The following PINK1 variants were observed in gnomAD, a reference collection of about 807,000 sequenced individuals.
PINK1 encodes serine/threonine-protein kinase PINK1, mitochondrial.
In PINK1, 58 loss-of-function variants were observed where a neutral mutation model predicts 56.0. That is an observed-to-expected ratio of 1.04 (90% CI 0.84 to 1.29). The LOEUF (loss-of-function observed/expected upper bound fraction) is 1.29, where lower values mean the gene tolerates loss of function less well. Ranked by LOEUF, PINK1 falls within the 50% of genes most tolerant of loss-of-function variation. The pLI, the probability that PINK1 is intolerant of heterozygous loss-of-function variation, is 0.00. For missense variants in PINK1, 745 were observed against 777.9 expected (o/e 0.96, Z 0.50); for synonymous variants, 354 against 339.3 (o/e 1.04, Z -0.48).
intron 4 of PINK1, 38 bp downstream of exon 4, chr1:20,644,710 C>A: frequency 6.2e-7 from 1 of 1,610,082 alleles, no homozygotes; most frequent in Non-Finnish European, 8.5e-7. Flanking sequence ...GGAGCTGATA[C>A]ATCTCCCAAG....
In PINK1 at chr1:20,638,053, C is replaced by T. The variant is rs149822257; in HGVS notation, c.599C>T (p.Ala200Val). ...CCAGGGAGAGGCCCAGGTACCAGTG[C>T]ACCAGGAGAAGGGCAGGAGCGAGCT... ...LLPGRGPGTS[A>V]PGEGQERAPG... The change falls in exon 2 of 8, where the codon GCA becomes GTA. Residue 200 changes from alanine to valine, a missense_variant. Coordinates refer to ENST00000321556, the MANE Select transcript of PINK1 (RefSeq NM_032409.3). 23 of 1,614,146 alleles carry T rather than the reference C, an allele frequency of 1.4e-5. No homozygotes were observed. The Admixed American group carries it at 2.8e-4, about 20-fold the overall frequency.
chr1:20,634,152 A>T (rs1489614493), intron 1 of PINK1, among the ~76,000 whole-genome samples: 1 of 152,202 alleles, frequency 6.6e-6, no homozygotes, highest in Non-Finnish European at 1.5e-5. Context: ...CCCTTCCTCA[A>T]ATGAAGACAT....
intron 1 of PINK1, among the ~76,000 whole-genome samples, chr1:20,634,650 G>A (rs2053037905): frequency 6.6e-6 from 1 of 152,242 alleles, no homozygotes; most frequent in African/African-American, 2.4e-5. Flanking sequence ...TATGGGGATT[G>A]GCAAAGTCTT....
Position 20,641,354 on chromosome 1 carries a change from C to T in PINK1, c.776+1362C>T, listed in dbSNP as rs1462686384. 2.0e-5 allele frequency among the ~76,000 whole-genome samples: 3 copies of T among 152,034 alleles called. No individual in the cohort carries two copies. The highest frequency in any genetic ancestry group is 4.4e-5 in the Non-Finnish European group (3 of 68,016). ...CTCCTTTTGTGGCATGAGTGGCAGC[C>T]GGCCGACGTGGTGCTGTCCTGCTGC... On this transcript the variant is annotated intron_variant, in intron 3 of 7. Coordinates refer to ENST00000321556, the MANE Select transcript of PINK1 (RefSeq NM_032409.3). This position sits in a 1 kb window ranked among gnomAD's most constrained non-coding sequence, Gnocchi z 4.0.
At chr1:20,646,364 G>A (rs564089724) in intron 5 of PINK1, among the ~76,000 whole-genome samples, 50 of 152,124 alleles carry the variant, frequency 3.3e-4, no homozygotes, top group Admixed American at 1.4e-3. Context: ...AATAACTTTC[G>A]GCCGGGGGTA....
chr1:20,639,767 T>C (rs2053096660), intron 2 of PINK1, 125 bp from the exon 3 acceptor site: 1 of 814,750 alleles, frequency 1.2e-6, no homozygotes, highest in South Asian at 1.5e-5. Context: ...CAGGTCATCT[T>C]ATCTCGAAGG....
chr1:20,633,917 G>T lies in PINK1; in HGVS notation c.369G>T (p.Ser123=). The T allele has an allele frequency of 6.3e-6, 10 of 1,584,512 alleles. No individual in the cohort carries two copies. The highest frequency in any genetic ancestry group is 8.6e-6 in the Non-Finnish European group (10 of 1,168,320). Residue 123 remains serine (S), a synonymous_variant, in exon 1 of 8, where the codon TCG becomes TCT. Transcript: ENST00000321556. ...EKQAESRRAV[S]ACQEIQAIFT... is the part of the protein sequence containing the mutation. ...AGGCGGAGAGCCGGCGGGCGGTCTCGGCCTGTCAGGAGATCCAGGTGAGCG... is the reference window on the plus strand; with the variant it reads ...AGGCGGAGAGCCGGCGGGCGGTCTCTGCCTGTCAGGAGATCCAGGTGAGCG...
rs925107789 is a variant in PINK1, at chr1:20,641,601, A to C, written c.776+1609A>C. ...ACCGGATAGATGTGGCAGCAGGTAC[A>C]TTACCTCAACTTCTGGTACACCTTG... On this transcript the variant is annotated intron_variant, in intron 3 of 7. Transcript: ENST00000321556. The surrounding 1 kb of genome is among the most constrained non-coding windows in gnomAD (Gnocchi z 4.0). Among the ~76,000 whole-genome samples the C allele has an allele frequency of 6.6e-6, 1 of 152,098 alleles. No homozygotes were observed. Among genetic ancestry groups the C allele is most frequent in the Non-Finnish European group, 1.5e-5 (1 of 68,024 alleles).
At chr1:20,634,533 A>G (rs1175683451) in intron 1 of PINK1, among the ~76,000 whole-genome samples, 1 of 152,112 alleles carries the variant, frequency 6.6e-6, no homozygotes, top group Non-Finnish European at 1.5e-5. Context: ...TTAAAATAGC[A>G]CAAGACTTCT....
Position 20,639,929 on chromosome 1 carries a change from G to T in PINK1, c.713G>T (p.Ser238Ile), listed in dbSNP as rs746882245. 2.5e-6 allele frequency: 4 copies of T among 1,613,206 alleles called. No individual in the cohort carries two copies. In the East Asian group the frequency reaches 8.9e-5, roughly 36 times the overall value. ...SSSEAILNTM[S>I]QELVPASRVA... Reference sequence around the variant, plus strand: ...AGCGAAGCCATCTTGAACACAATGAGCCAGGAGCTGGTCCCAGCGAGCCGA... The same window carrying T: ...AGCGAAGCCATCTTGAACACAATGATCCAGGAGCTGGTCCCAGCGAGCCGA... The change falls in exon 3 of 8, where the codon AGC (serine) becomes ATC (isoleucine). Residue 238 changes from serine to isoleucine, a missense_variant. Physicochemically the swap from Ser to Ile is moderately radical, Grantham distance 142. Coordinates refer to ENST00000321556, the MANE Select transcript of PINK1 (RefSeq NM_032409.3).
At chr1:20,640,726 A>C (rs71647163) in intron 3 of PINK1, among the ~76,000 whole-genome samples, 16,477 of 152,154 alleles carry the variant, frequency 0.11, 1,209 homozygotes, top group Non-Finnish European at 0.16. Flanking sequence ...CGCGCAGGCT[A>C]TGACAGAGGA....
At position 20,644,671 on chromosome 1, in the gene PINK1, A is replaced by C; in HGVS notation, c.958A>C (p.Asn320His). The change falls in exon 4 of 8, where the codon AAC becomes CAC. Residue 320 changes from asparagine (N) to histidine (H), a missense_variant and splice_region_variant. Coordinates refer to ENST00000321556, the MANE Select transcript of PINK1 (RefSeq NM_032409.3). ...CCGGACGCTGTTCCTCGTTATGAAG[A>C]AGTAAGTGACAGCAGCGCGGCAGGG... ...HGRTLFLVMK[N>H]YPCTLRQYLC... 6.2e-7 allele frequency: 1 copy of C among 1,614,166 alleles called. No individual in the cohort carries two copies. Among genetic ancestry groups the C allele is most frequent in the Non-Finnish European group, 8.5e-7 (1 of 1,180,032 alleles).
At chr1:20,648,441 A>G (rs1164231738) in intron 5 of PINK1, 64 bp from the exon 6 acceptor site, 2 of 1,607,502 alleles carry the variant, frequency 1.2e-6, no homozygotes, top group Non-Finnish European at 1.7e-6. Flanking sequence ...TAGTAGGGAC[A>G]TAGGAGGGCC....
chr1:20,648,283 C>G, intron 5 of PINK1: 1 of 611,902 alleles, frequency 1.6e-6, no homozygotes, highest in South Asian at 1.8e-5. Flanking sequence ...CCACACAGTC[C>G]TTTGCCTGGG....
At chr1:20,645,380 T>C (rs1412406346) in intron 4 of PINK1, 180 bp from the exon 5 acceptor site, 10 of 704,718 alleles carry the variant, frequency 1.4e-5, no homozygotes, top group Non-Finnish European at 2.4e-5. Context: ...TCCCAGCTAC[T>C]CGGGAGGCTG....
chr1:20,634,060 G>A, intron 1 of PINK1, 125 bp downstream of exon 1: 1 of 1,189,906 alleles, frequency 8.4e-7, no homozygotes, highest in Non-Finnish European at 1.2e-6. Flanking sequence ...GCCGAGGCGA[G>A]GGTCCTTAAA....
rs199678436 is a variant in PINK1, at chr1:20,645,566, C to G, written c.966C>G (p.Pro322=). The part of the protein sequence containing the change: ...RTLFLVMKNY[P]CTLRQYLCVN... The stretch of plus-strand genomic sequence containing the variant: ...CCTCTCCCCTCTCCGCCAGCTATCC[C>G]TGTACCCTGCGCCAGTACCTTTGTG... The change falls in exon 5 of 8, where the codon CCC becomes CCG. Residue 322 remains proline (P), a synonymous_variant. Coordinates refer to ENST00000321556, the MANE Select transcript of PINK1 (RefSeq NM_032409.3). 8.7e-6 allele frequency: 14 copies of G among 1,613,742 alleles called. No individual in the cohort carries two copies. The highest frequency in any genetic ancestry group is 1.7e-4 in the Middle Eastern group (1 of 6,060).
Position 20,633,682 on chromosome 1 carries a change from G to A in PINK1, c.134G>A (p.Arg45His), listed in dbSNP as rs1318357743. The change falls in exon 1 of 8, where the codon CGT becomes CAT. Residue 45 changes from arginine (R) to histidine (H), a missense_variant. Physicochemically the swap from Arg to His is conservative, Grantham distance 29. Coordinates refer to ENST00000321556, the MANE Select transcript of PINK1 (RefSeq NM_032409.3). ...GCGGCGGGCTGTGTCCGCGGGGAGC[G>A]TCCAGGCTGGGCCGCAGGACCGGGC... ...GPAAGCVRGE[R>H]PGWAAGPGAE... The A allele has an allele frequency of 2.7e-6, 4 of 1,463,226 alleles. No homozygotes were observed. The highest frequency in any genetic ancestry group is 1.4e-5 in the South Asian group (1 of 73,798). 90.6% of individuals were successfully genotyped at this position (1,463,226 alleles called of 1,614,324 possible). A position where few individuals can be genotyped will look rare whatever the true frequency, so the allele number is the denominator to read the frequency against.
intron 5 of PINK1, among the ~76,000 whole-genome samples, chr1:20,647,667 C>T (rs1298596362): frequency 6.6e-6 from 1 of 151,488 alleles, no homozygotes; most frequent in East Asian, 2.0e-4. Flanking sequence ...GACGGGGTTT[C>T]ACCATGTTGG....
Sources: allele counts gnomAD v4.1 joint callset (sites outside exome capture counted in the v4.1 genomes callset), GRCh38; gene constraint gnomAD v4.1.1; non-coding constraint Gnocchi (gnomAD v3.1); transcripts MANE v1.5; gene names NCBI Gene and HGNC (gene_info 2026-07-23, HGNC 2026-07-21).